The following FNDC3B variants were observed in gnomAD, a reference collection of about 807,000 sequenced individuals.
FNDC3B encodes the protein fibronectin type III domain-containing protein 3B.
In FNDC3B, 12 loss-of-function variants were observed where a neutral mutation model predicts 151.5. The ratio of observed to expected loss-of-function variants is 0.08; its 90% CI spans 0.05 to 0.13. The LOEUF (loss-of-function observed/expected upper bound fraction) is 0.13. FNDC3B is among the 10% of genes least tolerant of loss of function. The pLI is 1.00. For synonymous variants in FNDC3B, 528 were observed against 549.0 expected (o/e 0.96, Z 0.54); for missense variants, 1,214 against 1,505.3 (o/e 0.81, Z 3.20).
intron 3 of FNDC3B, among the ~76,000 whole-genome samples, chr3:172,185,282 A>G (rs1011022710): frequency 2.6e-5 from 4 of 152,230 alleles, no homozygotes; most frequent in Admixed American, 1.3e-4. Flanking sequence ...CTTAAAAAAC[A>G]TCGTGACCCC....
intron 6 of FNDC3B, among the ~76,000 whole-genome samples, chr3:172,264,724 G>T (rs1728829199): frequency 6.6e-6 from 1 of 152,140 alleles, no homozygotes; most frequent in Non-Finnish European, 1.5e-5. Context: ...ACATGAGAAG[G>T]ATGTTTTTAA....
intron 6 of FNDC3B, among the ~76,000 whole-genome samples, chr3:172,252,176 T>G (rs1376154797): frequency 1.3e-5 from 2 of 152,162 alleles, no homozygotes; most frequent in Admixed American, 6.5e-5. Context: ...GAGGAAGGTT[T>G]ATGTGTTTAA....
intron 21 of FNDC3B, among the ~76,000 whole-genome samples, chr3:172,349,062 C>T (rs1293800165): frequency 2.6e-5 from 4 of 151,686 alleles, no homozygotes; most frequent in Non-Finnish European, 4.4e-5. Flanking sequence ...AGGCTGAGGC[C>T]GGCTGATCTC....
chr3:172,339,874 T>C (rs1733202189), intron 16 of FNDC3B, among the ~76,000 whole-genome samples: 1 of 152,250 alleles, frequency 6.6e-6, no homozygotes, highest in African/African-American at 2.4e-5. Flanking sequence ...TAATTGCCTT[T>C]GCTATTGCCT....
At chr3:172,073,399 A>G (rs1717871591) in intron 1 of FNDC3B, among the ~76,000 whole-genome samples, 1 of 152,200 alleles carries the variant, frequency 6.6e-6, no homozygotes, top group African/African-American at 2.4e-5. Context: ...TTTAAGACAA[A>G]AAGTATTGGA....
chr3:172,128,465 T>C (rs1720910087), intron 2 of FNDC3B, among the ~76,000 whole-genome samples: 1 of 152,088 alleles, frequency 6.6e-6, no homozygotes, highest in Admixed American at 6.5e-5. Context: ...GCCAGCTGTG[T>C]TCTATGGCAC....
At chr3:172,166,773 A>G (rs1297664805) in intron 3 of FNDC3B, among the ~76,000 whole-genome samples, 1 of 134,942 alleles carries the variant, frequency 7.4e-6, no homozygotes, top group Non-Finnish European at 1.5e-5. Context: ...CTCTGGAAAA[A>G]CAAACAACTC....
In FNDC3B at chr3:172,295,465, G is replaced by T. The variant is rs756967110; in HGVS notation, c.952G>T (p.Val318Leu). ...SGLSFPYSYE[V>L]ALSDKGRDGK... ...TCTTTCCTTCCCCTACAGTTACGAG[G>T]TGGCCTTATCAGACAAAGGACGAGA... The change falls in exon 8 of 26, where the codon GTG becomes TTG. Residue 318 changes from valine to leucine, a missense_variant. By Grantham distance (32) the Val-to-Leu change is conservative. Around this residue, in one of 7 missense-constraint regions of FNDC3B, gnomAD observed 156 missense variants for 225.3 expected, o/e 0.69. Coordinates refer to ENST00000415807, the MANE Select transcript of FNDC3B (RefSeq NM_022763.4). The T allele has an allele frequency of 4.3e-6, 7 of 1,613,936 alleles. No homozygotes were observed. The African/African-American group carries it at 8.0e-5, about 18-fold the overall frequency.
rs758509093 is a variant in FNDC3B at position 172,397,511 on chromosome 3, C to T, written c.*36C>T. On this transcript the variant is annotated 3_prime_UTR_variant, in exon 26 of 26. Transcript: ENST00000415807. Reference sequence around the variant, plus strand: ...ACTAGAGGTATGAATTAATGCTACACATTTTAATACACACATTTATTCAGA... The same window carrying T: ...ACTAGAGGTATGAATTAATGCTACATATTTTAATACACACATTTATTCAGA... The T allele has an allele frequency of 7.7e-7, 1 of 1,292,962 alleles. No homozygotes were observed. The highest frequency in any genetic ancestry group is 1.1e-6 in the Non-Finnish European group (1 of 933,830). 80.1% of individuals were successfully genotyped at this position (1,292,962 alleles called of 1,614,324 possible).
At chr3:172,133,339 T>C in intron 2 of FNDC3B, 132 bp from the exon 3 acceptor site, 3 of 682,410 alleles carry the variant, frequency 4.4e-6, no homozygotes, top group South Asian at 1.9e-5. Context: ...TTAAGACTTA[T>C]ACTCCAAGTT....
intron 3 of FNDC3B, among the ~76,000 whole-genome samples, chr3:172,192,068 T>G (rs919591233): frequency 5.9e-5 from 9 of 152,122 alleles, no homozygotes; most frequent in Non-Finnish European, 8.8e-5. Context: ...AAACTCAATT[T>G]TAAGTTTACC....
At chr3:172,377,763 G>A (rs1735229617) in intron 23 of FNDC3B, among the ~76,000 whole-genome samples, 1 of 152,098 alleles carries the variant, frequency 6.6e-6, no homozygotes, top group African/African-American at 2.4e-5. Flanking sequence ...TAGCAGTTGA[G>A]GAATGGGGCT....
intron 15 of FNDC3B, among the ~76,000 whole-genome samples, chr3:172,336,472 C>T (rs1048346246): frequency 6.6e-6 from 1 of 152,154 alleles, no homozygotes; most frequent in Non-Finnish European, 1.5e-5. Flanking sequence ...GGTTTCATAC[C>T]ACATTCACCT....
At chr3:172,242,359 T>C (rs62281795) in intron 4 of FNDC3B, among the ~76,000 whole-genome samples, 22,611 of 151,968 alleles carry the variant, frequency 0.15, 1,828 homozygotes, top group Middle Eastern at 0.21. Flanking sequence ...ATTTCCCTTC[T>C]GCCCTACCCT....
chr3:172,231,789 C>CAGTGTG (rs748987143), intron 4 of FNDC3B, among the ~76,000 whole-genome samples: 62 of 151,592 alleles, frequency 4.1e-4, no homozygotes, highest in Non-Finnish European at 7.7e-4. Context: ...TGCTTTCTGG[C>CAGTGTG]AGTGTGAGTG....
chr3:172,063,046 T>C (rs1717298795), intron 1 of FNDC3B, among the ~76,000 whole-genome samples: 1 of 152,224 alleles, frequency 6.6e-6, no homozygotes, highest in Non-Finnish European at 1.5e-5. Flanking sequence ...TTTTGAATGA[T>C]CCATTGCTGT....
intron 1 of FNDC3B, among the ~76,000 whole-genome samples, chr3:172,054,443 A>G (rs1576821428): frequency 6.6e-6 from 1 of 152,234 alleles, no homozygotes; most frequent in East Asian, 1.9e-4. Flanking sequence ...AGGTGAGTTA[A>G]GGACAAGGCT....
rs746302238 is a variant in FNDC3B, at chr3:172,330,525, C to T, written c.1380-16C>T. 6.2e-7 allele frequency: 1 copy of T among 1,601,250 alleles called. No homozygotes were observed. Among genetic ancestry groups the T allele is most frequent in the Non-Finnish European group, 8.5e-7 (1 of 1,171,674 alleles). On this transcript the variant is annotated splice_polypyrimidine_tract_variant and intron_variant, in intron 12 of 25. Coordinates refer to ENST00000415807, the MANE Select transcript of FNDC3B (RefSeq NM_022763.4). ...CACATGCTTCTAACTGTGTGCCTCA[C>T]TTTCTTTCTCTACAGTGGTTATAGC...
chr3:172,097,441 T>C lies in FNDC3B; in HGVS notation c.-28-15011T>C, dbSNP rs191793882. ...CCTGTATTCTTTAGGTCTCTTTGTA[T>C]GTGGTGGTTTGAAAGTATTTCCTCA... is the stretch of plus-strand genomic sequence containing the variant. On this transcript the variant is annotated intron_variant, in intron 1 of 25. Transcript: ENST00000415807. Among the ~76,000 whole-genome samples the C allele has an allele frequency of 1.8e-3, 269 of 152,352 alleles. 1 individual carries two copies. The highest frequency in any genetic ancestry group is 3.1e-3 in the Non-Finnish European group (209 of 68,024).
Sources: allele counts gnomAD v4.1 joint callset (sites outside exome capture counted in the v4.1 genomes callset), GRCh38; gene constraint gnomAD v4.1.1; regional missense constraint gnomAD v4.1.1; transcripts MANE v1.5; gene names NCBI Gene and HGNC (gene_info 2026-07-23, HGNC 2026-07-21).